Variants in SH3PXD2A observed in about 807,000 individuals in gnomAD.
SH3PXD2A encodes the protein SH3 and PX domain-containing protein 2A.
Under a neutral mutation model 115.2 loss-of-function variants are expected in SH3PXD2A, and 32 were observed. The observed-to-expected ratio is 0.28, with a 90% CI of 0.21 to 0.37. The LOEUF is 0.37. Ranked by LOEUF, SH3PXD2A falls within the 10% of genes least tolerant of loss-of-function variation. The pLI, the probability that SH3PXD2A is intolerant of heterozygous loss-of-function variation, is 1.00. For synonymous variants in SH3PXD2A, 610 were observed against 629.1 expected (o/e 0.97, Z 0.45); for missense variants, 1,328 against 1,498.7 (o/e 0.89, Z 1.88).
intron 11 of SH3PXD2A, among the ~76,000 whole-genome samples, chr10:103,613,393 C>T (rs534003763): frequency 6.6e-6 from 1 of 152,224 alleles, no homozygotes; most frequent in African/African-American, 2.4e-5. Flanking sequence ...ACTGCCCCCC[C>T]ACCATGCTCC....
intron 1 of SH3PXD2A, among the ~76,000 whole-genome samples, chr10:103,802,029 T>C (rs538599540): frequency 5.3e-5 from 8 of 152,322 alleles, no homozygotes; most frequent in African/African-American, 1.4e-4. Context: ...TTTCCACTGG[T>C]TCACAAACTT....
intron 3 of SH3PXD2A, chr10:103,753,972 C>T (rs2134208535): frequency 6.6e-6 from 1 of 152,270 alleles, no homozygotes; most frequent in East Asian, 1.9e-4. Context: ...CCATCTTCAC[C>T]AACTACCAAC....
chr10:103,681,613 G>A (rs2037609062), intron 6 of SH3PXD2A, among the ~76,000 whole-genome samples: 1 of 152,196 alleles, frequency 6.6e-6, no homozygotes, highest in Non-Finnish European at 1.5e-5. Flanking sequence ...GTGTTGTGGA[G>A]GGTACCTGTA....
chr10:103,821,676 C>T (rs1288929968), intron 1 of SH3PXD2A, among the ~76,000 whole-genome samples: 1 of 152,064 alleles, frequency 6.6e-6, no homozygotes, highest in Non-Finnish European at 1.5e-5. Context: ...CCTCAGCTCC[C>T]CTGCCCCCCA....
intron 2 of SH3PXD2A, among the ~76,000 whole-genome samples, chr10:103,787,845 C>A (rs142006939): frequency 6.6e-6 from 1 of 152,182 alleles, no homozygotes; most frequent in African/African-American, 2.4e-5. Flanking sequence ...GGGCTCTTCC[C>A]GAGCCCCTCA....
At chr10:103,647,037 T>A (rs1327213771) in intron 8 of SH3PXD2A, among the ~76,000 whole-genome samples, 2 of 151,708 alleles carry the variant, frequency 1.3e-5, no homozygotes, top group African/African-American at 4.8e-5. Context: ...CTAGACGGAG[T>A]CAGATAATAG....
In SH3PXD2A at chr10:103,600,175, A is replaced by T. The variant is rs1375392325; in HGVS notation, c.*1641T>A. 20 of 152,702 alleles carry T rather than the reference A, an allele frequency of 1.3e-4. No individual in the cohort carries two copies. The allele number at this position is 152,702 out of a possible 1,614,324, so 9.5% of individuals were successfully genotyped here. ...GGCTGTGAGGCCCAATCTGTCCGAA[A>T]TCAAAGGCACGTGTGGAAATCCACT... On this transcript the variant is annotated 3_prime_UTR_variant, in exon 15 of 15. Transcript: ENST00000369774.
At chr10:103,728,336 A>G (rs1193363130) in intron 4 of SH3PXD2A, among the ~76,000 whole-genome samples, 1 of 152,236 alleles carries the variant, frequency 6.6e-6, no homozygotes, top group African/African-American at 2.4e-5. Context: ...AGTAAATGTG[A>G]GCCGTGATAA....
At chr10:103,751,285 C>T (rs2038575685) in intron 3 of SH3PXD2A, among the ~76,000 whole-genome samples, 1 of 152,236 alleles carries the variant, frequency 6.6e-6, no homozygotes, top group African/African-American at 2.4e-5. Flanking sequence ...GCAGCTACTA[C>T]ATACCAGGTA....
chr10:103,701,460 A>C (rs1439243040), intron 5 of SH3PXD2A, among the ~76,000 whole-genome samples: 10 of 143,340 alleles, frequency 7.0e-5, no homozygotes, highest in Non-Finnish European at 1.5e-4. Flanking sequence ...TCCATCCATC[A>C]TCCATCCATC....
chr10:103,644,548 T>C (rs1235382847), intron 8 of SH3PXD2A, among the ~76,000 whole-genome samples: 1 of 146,502 alleles, frequency 6.8e-6, no homozygotes, highest in Non-Finnish European at 1.5e-5. Context: ...ATCATGCCAC[T>C]GTACTCTAGC....
At chr10:103,771,374 T>C (rs2038817070) in intron 2 of SH3PXD2A, among the ~76,000 whole-genome samples, 1 of 152,202 alleles carries the variant, frequency 6.6e-6, no homozygotes, top group Admixed American at 6.5e-5. Context: ...GCAGGACTCA[T>C]GCATTCATTC....
Position 103,603,723 on chromosome 10 carries a change from C to A in SH3PXD2A, c.1495G>T (p.Ala499Ser). The stretch of plus-strand genomic sequence containing the variant: ...TTCTTGCGCTTATCGATGTATGATG[C>A]GGGGGCCCAGCCCTCCTTCTCACCG... ...QIGEKEGWAP[A>S]SYIDKRKKPN... The change falls in exon 15 of 15, where the codon GCA becomes TCA. Residue 499 changes from alanine to serine, a missense_variant. Physicochemically the swap from Ala to Ser is moderately conservative, Grantham distance 99. Transcript: ENST00000369774. 1.2e-6 allele frequency: 2 copies of A among 1,610,756 alleles called. No individual in the cohort carries two copies. The highest frequency in any genetic ancestry group is 1.7e-6 in the Non-Finnish European group (2 of 1,179,810).
chr10:103,848,937 C>G (rs1005784559), intron 1 of SH3PXD2A, among the ~76,000 whole-genome samples: 1 of 145,802 alleles, frequency 6.9e-6, no homozygotes, highest in Non-Finnish European at 1.5e-5. Context: ...GTCCAACTTT[C>G]CCCATATATT....
chr10:103,825,114 CCTCTACAAATGCATT>C (rs557644360), intron 1 of SH3PXD2A, among the ~76,000 whole-genome samples: 136 of 152,324 alleles, frequency 8.9e-4, no homozygotes, highest in African/African-American at 3.1e-3. Context: ...AAATCCTAAA[CCTCTACAAATGCATT>C]CCAAGAAATG....
intron 1 of SH3PXD2A, among the ~76,000 whole-genome samples, chr10:103,834,489 AT>A (rs1197997576): frequency 1.3e-5 from 2 of 152,212 alleles, no homozygotes; most frequent in African/African-American, 4.8e-5. Flanking sequence ...ATGTTCTGAA[AT>A]TGACTGTGGT....
intron 8 of SH3PXD2A, among the ~76,000 whole-genome samples, chr10:103,633,653 G>A (rs1207138813): frequency 4.7e-5 from 7 of 149,410 alleles, no homozygotes; most frequent in Non-Finnish European, 1.0e-4. Context: ...GCTTGAACCC[G>A]GGAGGTGGAG....
intron 1 of SH3PXD2A, among the ~76,000 whole-genome samples, chr10:103,833,993 C>T (rs1318977714): frequency 6.6e-6 from 1 of 152,172 alleles, no homozygotes; most frequent in Non-Finnish European, 1.5e-5. Context: ...TCAGTAAAGG[C>T]TCTGCCCAGT....
intron 2 of SH3PXD2A, among the ~76,000 whole-genome samples, chr10:103,786,331 C>T (rs962764259): frequency 1.3e-5 from 2 of 152,254 alleles, no homozygotes; most frequent in South Asian, 2.1e-4. Context: ...GAGACCTTGA[C>T]ATCCTATGTG....
Sources: allele counts gnomAD v4.1 joint callset (sites outside exome capture counted in the v4.1 genomes callset), GRCh38; gene constraint gnomAD v4.1.1; transcripts MANE v1.5; gene names NCBI Gene and HGNC (gene_info 2026-07-23, HGNC 2026-07-21).